TJP1: variants seen among roughly 807,000 people sequenced by gnomAD.
TJP1 encodes the protein tight junction protein 1.
Under a neutral mutation model 194.2 loss-of-function variants are expected in TJP1, and 43 were observed. The observed-to-expected ratio is 0.22, with a 90% CI of 0.17 to 0.29. TJP1 has a LOEUF of 0.29. Ranked by LOEUF, TJP1 falls within the 10% of genes least tolerant of loss-of-function variation. The pLI is 1.00. For missense variants in TJP1, 1,971 were observed against 2,185.7 expected (o/e 0.90, Z 1.96); for synonymous variants, 801 against 779.0 (o/e 1.03, Z -0.47).
intron 23 of TJP1, among the ~76,000 whole-genome samples, chr15:29,715,751 C>T (rs2042525146): frequency 6.6e-6 from 1 of 152,146 alleles, no homozygotes; most frequent in African/African-American, 2.4e-5. Flanking sequence ...AGAATTTAGG[C>T]CTTCCCTGAT....
At chr15:29,837,665 A>G (rs1433621087) in intron 2 of TJP1, among the ~76,000 whole-genome samples, 1 of 152,252 alleles carries the variant, frequency 6.6e-6, no homozygotes, top group East Asian at 1.9e-4. Flanking sequence ...CAAAGAAAAC[A>G]TAAATACAAC....
At chr15:29,755,108 G>A (rs1046299222) in intron 8 of TJP1, among the ~76,000 whole-genome samples, 8 of 152,234 alleles carry the variant, frequency 5.3e-5, no homozygotes, top group East Asian at 1.9e-4. Context: ...CCTTTCCTAC[G>A]TTTAAGATAC....
chr15:29,919,198 G>C (rs2054279548), intron 2 of TJP1, among the ~76,000 whole-genome samples: 1 of 152,208 alleles, frequency 6.6e-6, no homozygotes. Context: ...CTAGAATTCT[G>C]TACCTAAGCA....
chr15:29,732,168 T>C (rs2043707395), intron 15 of TJP1: 4 of 434,158 alleles, frequency 9.2e-6, no homozygotes, highest in African/African-American at 2.0e-5. Flanking sequence ...CCTCAGAGCA[T>C]GACTGGGAGG....
chr15:29,790,216 G>A (rs755921331), intron 2 of TJP1, among the ~76,000 whole-genome samples: 18 of 152,232 alleles, frequency 1.2e-4, no homozygotes, highest in Non-Finnish European at 2.4e-4. Context: ...TAAATACTTT[G>A]CTGATCCTGC....
At chr15:29,757,120 G>A (rs946625038) in intron 8 of TJP1, among the ~76,000 whole-genome samples, 2 of 152,152 alleles carry the variant, frequency 1.3e-5, no homozygotes, top group African/African-American at 4.8e-5. Flanking sequence ...GTAACCAAAG[G>A]CAGGCTGGGA....
chr15:29,932,321 A>G (rs1392028206), intron 2 of TJP1, among the ~76,000 whole-genome samples: 1 of 152,206 alleles, frequency 6.6e-6, no homozygotes, highest in Non-Finnish European at 1.5e-5. Context: ...AGAGAGAAAC[A>G]AATCCACACA....
chr15:29,963,215 C>T (rs2056221045), intron 1 of TJP1, among the ~76,000 whole-genome samples: 1 of 152,106 alleles, frequency 6.6e-6, no homozygotes, highest in African/African-American at 2.4e-5. Context: ...CTCAGTGATC[C>T]ATGAGTGGGC....
intron 2 of TJP1, among the ~76,000 whole-genome samples, chr15:29,897,909 T>G (rs2152186794): frequency 6.6e-6 from 1 of 152,320 alleles, no homozygotes; most frequent in South Asian, 2.1e-4. Flanking sequence ...GCTTTTGATT[T>G]TACAGGCTGA....
chr15:29,719,165 C>T, intron 20 of TJP1, 27 bp from the exon 21 acceptor site: 2 of 1,543,588 alleles, frequency 1.3e-6, no homozygotes, highest in Non-Finnish European at 1.7e-6. Flanking sequence ...CATTTAAGGA[C>T]AAAGTCTTGT....
intron 2 of TJP1, among the ~76,000 whole-genome samples, chr15:29,828,599 T>G (rs777548424): frequency 2.6e-5 from 4 of 152,220 alleles, no homozygotes; most frequent in Non-Finnish European, 5.9e-5. Flanking sequence ...TTGATAATAT[T>G]AATCTTTTAT....
At chr15:29,924,105 A>C (rs1183618662) in intron 2 of TJP1, among the ~76,000 whole-genome samples, 1 of 152,150 alleles carries the variant, frequency 6.6e-6, no homozygotes, top group Non-Finnish European at 1.5e-5. Context: ...ACAAAAACTA[A>C]ATCTGTCACC....
intron 2 of TJP1, among the ~76,000 whole-genome samples, chr15:29,931,703 C>A (rs1384044343): frequency 6.6e-6 from 1 of 152,172 alleles, no homozygotes; most frequent in Non-Finnish European, 1.5e-5. Context: ...AGTCCCGATC[C>A]AGACCCCAAG....
chr15:29,941,188 T>C (rs1191531456), intron 2 of TJP1, among the ~76,000 whole-genome samples: 2 of 152,186 alleles, frequency 1.3e-5, no homozygotes, highest in African/African-American at 2.4e-5. Context: ...TGCCTTTGCC[T>C]TCCCCACCTG....
At chr15:29,782,861 G>A in intron 2 of TJP1, among the ~76,000 whole-genome samples, 1 of 70,846 alleles carries the variant, frequency 1.4e-5, no homozygotes. Context: ...ACCCCCATTA[G>A]AAAGTGGGCA....
Position 29,760,350 on chromosome 15 carries a change from T to C in TJP1, c.1010+789A>G, listed in dbSNP as rs2045922477. 1.0e-5 allele frequency: 7 copies of C among 667,868 alleles called. No individual in the cohort carries two copies. The East Asian group carries it at 1.6e-4, about 16-fold the overall frequency. The allele number at this position is 667,868 out of a possible 1,614,324, so 41.4% of individuals were successfully genotyped here. A position where few individuals can be genotyped will look rare whatever the true frequency, so the allele number is the denominator to read the frequency against. On this transcript the variant is annotated intron_variant, in intron 8 of 27. Coordinates refer to ENST00000614355, the MANE Select transcript of TJP1 (RefSeq NM_001330239.4). ...TCAGGTAGGTCATATACTACCAGTATACCAGAACCTTTGGCATAAATACTA... is the reference window on the plus strand; with the variant it reads ...TCAGGTAGGTCATATACTACCAGTACACCAGAACCTTTGGCATAAATACTA...
Position 29,718,914 on chromosome 15 carries a change from A to G in TJP1, c.3228T>C (p.His1076=). ...YTDQFSRNYE[H]RLRYEDRVPM... ...GGACGCGATCTTCGTATCGCAGACG[A>G]TGTTCATAGTTTCGAGAAAACTGGT... The change falls in exon 21 of 28, where the codon CAT becomes CAC. Residue 1076 remains histidine, a synonymous_variant. Coordinates refer to ENST00000614355, the MANE Select transcript of TJP1 (RefSeq NM_001330239.4). The G allele has an allele frequency of 6.2e-7, 1 of 1,614,130 alleles. No individual in the cohort carries two copies. The highest frequency in any genetic ancestry group is 8.5e-7 in the Non-Finnish European group (1 of 1,180,024).
At chr15:29,717,923 A>G in intron 22 of TJP1, 98 bp downstream of exon 22, 2 of 988,982 alleles carry the variant, frequency 2.0e-6, no homozygotes, top group Non-Finnish European at 3.0e-6. Flanking sequence ...TCCTATTCAC[A>G]CCTCTCCTCT....
intron 13 of TJP1, 100 bp from the exon 14 acceptor site, chr15:29,732,915 C>T: frequency 7.7e-7 from 1 of 1,301,912 alleles, no homozygotes; most frequent in East Asian, 2.5e-5. Flanking sequence ...TGGAAGTTCA[C>T]ATACAGTTTA....
Sources: gnomAD v4.1 joint callset for allele counts (sites outside exome capture counted in the v4.1 genomes callset) on GRCh38, gnomAD v4.1.1 for gene constraint, MANE v1.5 for transcripts, NCBI Gene and HGNC (gene_info 2026-07-23, HGNC 2026-07-21) for gene names.